ARHGEF18: variants seen among roughly 807,000 people sequenced by gnomAD.
ARHGEF18 encodes the protein rho guanine nucleotide exchange factor 18.
A neutral mutation model predicts 155.7 loss-of-function variants in ARHGEF18; 93 were observed. The observed-to-expected ratio is 0.60, with a 90% CI of 0.50 to 0.71. The LOEUF (loss-of-function observed/expected upper bound fraction) is 0.71. Ranked by LOEUF, ARHGEF18 falls within the 30% of genes least tolerant of loss-of-function variation. The pLI is 0.00. For synonymous variants in ARHGEF18, 742 were observed against 753.1 expected, an observed-to-expected ratio of 0.99 and a Z score of 0.24; for missense variants, 1,593 against 1,816.1, an observed-to-expected ratio of 0.88 and a Z score of 2.23.
chr19:7,445,136 T>C (rs773738839), intron 14 of ARHGEF18, among the ~76,000 whole-genome samples: 1 of 152,350 alleles, frequency 6.6e-6, no homozygotes, highest in East Asian at 1.9e-4. Context: ...AAGTCACTTA[T>C]GCTTTCAACC....
intron 10 of ARHGEF18, among the ~76,000 whole-genome samples, chr19:7,415,704 A>G (rs891285088): frequency 2.0e-5 from 3 of 151,532 alleles, no homozygotes; most frequent in East Asian, 1.9e-4. Flanking sequence ...CACCCACCAC[A>G]TGACAGGCCT....
At chr19:7,403,059 G>A (rs919005141) in intron 10 of ARHGEF18, among the ~76,000 whole-genome samples, 4 of 152,110 alleles carry the variant, frequency 2.6e-5, no homozygotes, top group Non-Finnish European at 2.9e-5. Flanking sequence ...TGTCACCCAG[G>A]CTAGAGTACA....
At chr19:7,416,727 C>T (rs1453877582) in intron 10 of ARHGEF18, among the ~76,000 whole-genome samples, 2 of 151,186 alleles carry the variant, frequency 1.3e-5, no homozygotes, top group African/African-American at 2.4e-5. Context: ...CTCAGCCTCC[C>T]GAGTAGCTGG....
At chr19:7,464,446 C>A in intron 22 of ARHGEF18, 114 bp from the exon 23 acceptor site, 1 of 1,349,564 alleles carries the variant, frequency 7.4e-7, no homozygotes, top group Non-Finnish European at 1.0e-6. Flanking sequence ...GCAGACGCCA[C>A]CATTCGGGCC....
At position 7,401,765 on chromosome 19, in the gene ARHGEF18, AAC is replaced by A. The variant is rs539234326; in HGVS notation, c.967+18565_967+18566del. Reference sequence around the variant, plus strand: ...GCAAATGAAAACATAGGTCTACACAAACACTTGCAGAGGAATGTTCATAGTAG... The same window carrying A: ...GCAAATGAAAACATAGGTCTACACAAACTTGCAGAGGAATGTTCATAGTAG... On this transcript the variant is annotated intron_variant, in intron 10 of 28. Coordinates refer to ENST00000668164, the MANE Select transcript of ARHGEF18 (RefSeq NM_001367823.1). 3.4e-3 allele frequency among the ~76,000 whole-genome samples: 523 copies of A among 152,304 alleles called. 1 individual carries two copies. Among genetic ancestry groups the A allele is most frequent in the African/African-American group, 0.012 (497 of 41,560 alleles).
At position 7,470,865 on chromosome 19, in the gene ARHGEF18, C is replaced by CAG; in HGVS notation, c.*568_*569dup. 1 of 401,232 alleles carries CAG rather than the reference C, an allele frequency of 2.5e-6. No individual in the cohort carries two copies. The allele number at this position is 401,232 out of a possible 1,614,324, so 24.9% of individuals were successfully genotyped here. A position where few individuals can be genotyped will look rare whatever the true frequency, so the allele number is the denominator to read the frequency against. On this transcript the variant is annotated 3_prime_UTR_variant, in exon 29 of 29. Coordinates refer to ENST00000668164, the MANE Select transcript of ARHGEF18 (RefSeq NM_001367823.1). The surrounding 1 kb of genome is among the most constrained non-coding windows in gnomAD (Gnocchi z 5.9). Reference sequence around the variant, plus strand: ...CCCCACGCAGGTTCACCATGAACCTCAGGGTCAGGGAATGAGCCAGGCACG... The same window carrying CAG: ...CCCCACGCAGGTTCACCATGAACCTCAGAGGGTCAGGGAATGAGCCAGGCACG...
In ARHGEF18 at chr19:7,469,103, C is replaced by T. The variant is rs1356808472; in HGVS notation, c.3759C>T (p.Ser1253=). The T allele has an allele frequency of 6.2e-7, 1 of 1,605,902 alleles. No homozygotes were observed. The highest frequency in any genetic ancestry group is 8.5e-7 in the Non-Finnish European group (1 of 1,177,442). ...TKGGKDKGGK[S]RGSQRWESSA... ...GTGGCAAGGACAAGGGCGGCAAGAG[C>T]AGGGGCTCTCAGCGCTGGGAGAGCT... The change falls in exon 27 of 29, where the codon AGC becomes AGT. Residue 1253 remains serine (S), a synonymous_variant. Transcript: ENST00000668164.
chr19:7,381,691 T>TAATAAATAAATAAATA (rs57480401), intron 8 of ARHGEF18, among the ~76,000 whole-genome samples: 143 of 146,156 alleles, frequency 9.8e-4, no homozygotes, highest in African/African-American at 2.7e-3. Flanking sequence ...AATAAATAAA[T>TAATAAATAAATAAATA]AATAAATAAA....
rs549750419 is a variant in ARHGEF18 at position 7,373,046 on chromosome 19, C to A, written c.250C>A (p.Arg84=). The A allele has an allele frequency of 8.1e-7, 1 of 1,234,292 alleles. No individual in the cohort carries two copies. 76.5% of individuals were successfully genotyped at this position (1,234,292 alleles called of 1,614,324 possible). ...LSRRRSWERS[R]SCSESWRRLS... Reference sequence around the variant, plus strand: ...AAGGCGGCGCAGCTGGGAAAGGTCGCGGAGCTGCTCAGAGAGCTGGCGGAG... The same window carrying A: ...AAGGCGGCGCAGCTGGGAAAGGTCGAGGAGCTGCTCAGAGAGCTGGCGGAG... Residue 84 remains arginine (R), a synonymous_variant, in exon 3 of 29, where the codon CGG becomes AGG. Coordinates refer to ENST00000668164, the MANE Select transcript of ARHGEF18 (RefSeq NM_001367823.1).
chr19:7,398,067 C>T (rs1971823238), intron 10 of ARHGEF18, among the ~76,000 whole-genome samples: 1 of 152,054 alleles, frequency 6.6e-6, no homozygotes, highest in South Asian at 2.1e-4. Flanking sequence ...AAGTGTGTTT[C>T]CTTTTTCTTT....
chr19:7,357,493 T>C (rs1969358852), intron 1 of ARHGEF18, among the ~76,000 whole-genome samples: 1 of 152,090 alleles, frequency 6.6e-6, no homozygotes, highest in South Asian at 2.1e-4. Context: ...GGAGGCTGCC[T>C]GGGACTGAAT....
intron 3 of ARHGEF18, among the ~76,000 whole-genome samples, chr19:7,374,962 C>T (rs922598890): frequency 6.6e-6 from 1 of 152,040 alleles, no homozygotes; most frequent in Admixed American, 6.6e-5. Flanking sequence ...CCCTCAACCC[C>T]TTCCAAGTCA....
intron 10 of ARHGEF18, among the ~76,000 whole-genome samples, chr19:7,411,770 C>T (rs1972700465): frequency 6.6e-6 from 1 of 152,114 alleles, no homozygotes; most frequent in African/African-American, 2.4e-5. Flanking sequence ...CTCCATCCCC[C>T]TCCCCAGCCC....
At chr19:7,475,816 A>T (rs1977216519), downstream of ARHGEF18, among the ~76,000 whole-genome samples, 1 of 152,216 alleles carries the variant, frequency 6.6e-6, no homozygotes, top group African/African-American at 2.4e-5. Context: ...AGACAATGAG[A>T]TGCCCTAATC....
intron 10 of ARHGEF18, among the ~76,000 whole-genome samples, chr19:7,424,992 C>T (rs1283663768): frequency 2.1e-5 from 3 of 142,192 alleles, no homozygotes; most frequent in South Asian, 2.3e-4. Flanking sequence ...GACTACGTCT[C>T]GGGGAAAAAA....
chr19:7,350,308 G>A (rs1290619840), intron 1 of ARHGEF18, among the ~76,000 whole-genome samples: 1 of 152,150 alleles, frequency 6.6e-6, no homozygotes, highest in East Asian at 1.9e-4. Context: ...CAGAGAGGAT[G>A]GAGCTAGGAA....
chr19:7,436,612 C>A (rs541865627), intron 10 of ARHGEF18, among the ~76,000 whole-genome samples: 2 of 152,060 alleles, frequency 1.3e-5, no homozygotes, highest in Non-Finnish European at 1.5e-5. Flanking sequence ...CTTCTATGGA[C>A]TATTGTATTA....
intron 18 of ARHGEF18, among the ~76,000 whole-genome samples, chr19:7,457,432 G>A (rs910682532): frequency 1.6e-5 from 2 of 126,738 alleles, no homozygotes; most frequent in African/African-American, 3.1e-5. Context: ...ACACAATCTC[G>A]ACTCACTGCA....
intron 1 of ARHGEF18, among the ~76,000 whole-genome samples, chr19:7,350,009 G>A (rs1969117563): frequency 6.6e-6 from 1 of 152,188 alleles, no homozygotes; most frequent in African/African-American, 2.4e-5. Flanking sequence ...ATCATCCAGA[G>A]AGCACATCCC....
Sources: gnomAD v4.1 joint callset for allele counts (sites outside exome capture counted in the v4.1 genomes callset) on GRCh38, gnomAD v4.1.1 for gene constraint, Gnocchi (gnomAD v3.1) non-coding constraint, MANE v1.5 for transcripts, NCBI Gene and HGNC (gene_info 2026-07-23, HGNC 2026-07-21) for gene names.